Variants in PDE1A observed in about 807,000 individuals in gnomAD.
The protein encoded by PDE1A is dual specificity calcium/calmodulin-dependent 3',5'-cyclic nucleotide phosphodiesterase 1A.
In PDE1A, 35 loss-of-function variants were observed where a neutral mutation model predicts 61.7. The ratio of observed to expected loss-of-function variants is 0.57; its 90% CI spans 0.43 to 0.75. The LOEUF is 0.75. Among genes scored for constraint, PDE1A ranks in the 30% least tolerant of loss-of-function variants. The probability of loss-of-function intolerance (pLI) is 0.00; values close to 1 mark genes in which losing one functional copy is unlikely to be tolerated. For synonymous variants in PDE1A, 232 were observed against 213.2 expected (o/e 1.09, Z -0.77); for missense variants, 597 against 630.6 (o/e 0.95, Z 0.57).
At chr2:182,305,613 A>G (rs946002742) in intron 1 of PDE1A, among the ~76,000 whole-genome samples, 4 of 152,176 alleles carry the variant, frequency 2.6e-5, no homozygotes, top group Non-Finnish European at 5.9e-5. Flanking sequence ...AAGAGATTAT[A>G]AAGTTTATAA....
intron 10 of PDE1A, among the ~76,000 whole-genome samples, chr2:182,196,821 A>G (rs938037108): frequency 6.6e-6 from 1 of 151,670 alleles, no homozygotes; most frequent in Non-Finnish European, 1.5e-5. Context: ...ATCCATTTCT[A>G]TTTTTGATGA....
intron 2 of PDE1A, chr2:182,241,817 A>T: frequency 6.5e-7 from 1 of 1,528,678 alleles, no homozygotes; most frequent in East Asian, 2.4e-5. Context: ...ATGATTTTTA[A>T]CTTTCTTTCT....
At chr2:182,669,713 G>A in the PDE1A span, among the ~76,000 whole-genome samples, 14 of 152,282 alleles carry the variant, frequency 9.2e-5, no homozygotes, top group Non-Finnish European at 1.9e-4. Flanking sequence ...TATCATAGGT[G>A]GTTCCCACAC....
intron 1 of PDE1A, among the ~76,000 whole-genome samples, chr2:182,345,379 T>C (rs1449601697): frequency 6.6e-6 from 1 of 152,202 alleles, no homozygotes; most frequent in Non-Finnish European, 1.5e-5. Context: ...AGGACACAAT[T>C]TCTTGCCTAT....
intron 2 of PDE1A, among the ~76,000 whole-genome samples, chr2:182,255,962 G>A (rs1691751996): frequency 6.7e-6 from 1 of 149,180 alleles, no homozygotes; most frequent in Non-Finnish European, 1.5e-5. Context: ...GTGAGCCACC[G>A]CACCTGGCCA....
intron 7 of PDE1A, among the ~76,000 whole-genome samples, chr2:182,218,480 A>ACAT (rs1688431340): frequency 6.6e-6 from 1 of 152,196 alleles, no homozygotes. Flanking sequence ...TCTAGTTGAC[A>ACAT]CATTGTACAA....
the PDE1A span, among the ~76,000 whole-genome samples, chr2:182,648,536 T>TAAAAAAAAAAAAAAAA: frequency 4.2e-4 from 39 of 92,138 alleles, no homozygotes; most frequent in African/African-American, 5.5e-4. Flanking sequence ...AAAAAAAAAT[T>TAAAAAAAAAAAAAAAA]AAAAAAATTA....
intron 7 of PDE1A, among the ~76,000 whole-genome samples, chr2:182,206,814 T>C (rs970042493): frequency 5.3e-5 from 8 of 152,258 alleles, no homozygotes; most frequent in Non-Finnish European, 1.2e-4. Context: ...TCATGAGATC[T>C]GGTGGTTTAA....
the PDE1A span, among the ~76,000 whole-genome samples, chr2:182,553,470 T>C: frequency 6.6e-6 from 1 of 152,214 alleles, no homozygotes; most frequent in Non-Finnish European, 1.5e-5. Flanking sequence ...CCTCAGGTGA[T>C]CCACCTGCCT....
chr2:182,315,275 A>G (rs963207638), intron 1 of PDE1A, among the ~76,000 whole-genome samples: 1 of 152,178 alleles, frequency 6.6e-6, no homozygotes. Flanking sequence ...TACTTTGAGC[A>G]TATTTTTCAA....
At chr2:182,439,129 T>C (rs1684629429) in intron 2 of PDE1A, among the ~76,000 whole-genome samples, 1 of 152,026 alleles carries the variant, frequency 6.6e-6, no homozygotes, top group Admixed American at 6.6e-5. Context: ...TCTGGGAGGA[T>C]GGTGTAAGAA....
At chr2:182,414,207 T>G (rs371073579) in intron 1 of PDE1A, among the ~76,000 whole-genome samples, 1 of 152,040 alleles carries the variant, frequency 6.6e-6, no homozygotes, top group African/African-American at 2.4e-5. Context: ...GATAAATGAA[T>G]GGAAGGAAGA....
chr2:182,574,454 T>C, the PDE1A span, among the ~76,000 whole-genome samples: 1 of 152,096 alleles, frequency 6.6e-6, no homozygotes, highest in Admixed American at 6.5e-5. Flanking sequence ...GACAATAATG[T>C]CATAATTACA....
At chr2:182,700,565 T>C in the PDE1A span, among the ~76,000 whole-genome samples, 2 of 150,814 alleles carry the variant, frequency 1.3e-5, no homozygotes, top group African/African-American at 4.9e-5. Context: ...CTACTAAAAA[T>C]ACAAAAATTA....
chr2:182,662,917 T>A, the PDE1A span, among the ~76,000 whole-genome samples: 23 of 152,170 alleles, frequency 1.5e-4, no homozygotes, highest in Non-Finnish European at 1.5e-5. Flanking sequence ...GAGAAAAATT[T>A]TGCAAACTAT....
At chr2:182,249,491 G>A (rs1010592833) in intron 2 of PDE1A, among the ~76,000 whole-genome samples, 37 of 152,080 alleles carry the variant, frequency 2.4e-4, no homozygotes, top group Non-Finnish European at 2.9e-5. Flanking sequence ...CCCTGAAGTG[G>A]GGAATCATGC....
intron 1 of PDE1A, among the ~76,000 whole-genome samples, chr2:182,353,967 C>A (rs746357463): frequency 6.6e-6 from 1 of 151,980 alleles, no homozygotes; most frequent in Non-Finnish European, 1.5e-5. Flanking sequence ...GTACTGTATA[C>A]CTTTGAAAAT....
chr2:182,309,190 CAAGACTT>C (rs935297728), intron 1 of PDE1A, among the ~76,000 whole-genome samples: 4 of 151,972 alleles, frequency 2.6e-5, no homozygotes, highest in Non-Finnish European at 4.4e-5. Flanking sequence ...TGAAAGGAGA[CAAGACTT>C]ATTAACTATC....
At chr2:182,211,717 G>A (rs1687618386) in intron 7 of PDE1A, among the ~76,000 whole-genome samples, 2 of 152,162 alleles carry the variant, frequency 1.3e-5, no homozygotes, top group Admixed American at 6.5e-5. Context: ...TCTTGTATAT[G>A]TTTTGTTCCA....
Sources: allele counts gnomAD v4.1 joint callset (sites outside exome capture counted in the v4.1 genomes callset), GRCh38; gene constraint gnomAD v4.1.1; transcripts MANE v1.5; gene names NCBI Gene and HGNC (gene_info 2026-07-23, HGNC 2026-07-21).